Variants in CPA6 observed in about 807,000 individuals in gnomAD.
CPA6 encodes the protein carboxypeptidase B.
In CPA6, 58 loss-of-function variants were observed where a neutral mutation model predicts 63.3. The observed-to-expected ratio is 0.92, with a 90% CI of 0.74 to 1.14. The LOEUF (loss-of-function observed/expected upper bound fraction) is 1.14, where lower values mean the gene tolerates loss of function less well. CPA6 is among the 50% of genes most tolerant of loss of function. The probability of loss-of-function intolerance (pLI) is 0.00; values close to 1 mark genes in which losing one functional copy is unlikely to be tolerated. For missense variants in CPA6, 565 were observed against 526.6 expected (o/e 1.07, Z -0.71); for synonymous variants, 185 against 179.0 (o/e 1.03, Z -0.27).
At chr8:67,465,786 G>T (rs1810912164) in intron 8 of CPA6, among the ~76,000 whole-genome samples, 1 of 152,162 alleles carries the variant, frequency 6.6e-6, no homozygotes, top group African/African-American at 2.4e-5. Flanking sequence ...AACCAAACTT[G>T]CATCCCACGA....
intron 1 of CPA6, among the ~76,000 whole-genome samples, chr8:67,629,175 T>G (rs981961496): frequency 6.6e-6 from 1 of 151,682 alleles, no homozygotes. Flanking sequence ...AATTTCTAAA[T>G]AAAGACCCAT....
chr8:67,538,958 C>A (rs1375455804), intron 2 of CPA6, among the ~76,000 whole-genome samples: 4 of 152,014 alleles, frequency 2.6e-5, no homozygotes, highest in Non-Finnish European at 4.4e-5. Context: ...CACGCCCGGC[C>A]CAGTCTGTGT....
chr8:67,428,392 G>C (rs1170557068), intron 9 of CPA6, among the ~76,000 whole-genome samples: 1 of 152,036 alleles, frequency 6.6e-6, no homozygotes, highest in East Asian at 1.9e-4. Flanking sequence ...GCTCAGCAAG[G>C]TTAAATGGGT....
intron 8 of CPA6, among the ~76,000 whole-genome samples, chr8:67,451,330 G>T (rs1239748713): frequency 6.6e-6 from 1 of 152,186 alleles, no homozygotes; most frequent in Admixed American, 6.5e-5. Flanking sequence ...GATTCTCATA[G>T]GAGTGCGAAC....
At chr8:67,501,269 T>C (rs746723826) in intron 6 of CPA6, among the ~76,000 whole-genome samples, 2 of 152,206 alleles carry the variant, frequency 1.3e-5, no homozygotes, top group African/African-American at 2.4e-5. Flanking sequence ...ATGTAAGTCC[T>C]GTACATGTTT....
intron 1 of CPA6, among the ~76,000 whole-genome samples, chr8:67,723,982 G>C (rs1426353210): frequency 6.6e-6 from 1 of 151,984 alleles, no homozygotes; most frequent in South Asian, 2.1e-4. Flanking sequence ...ATGACAGATT[G>C]GTAAAGAAGC....
chr8:67,623,495 AAG>A (rs910593238), intron 2 of CPA6, among the ~76,000 whole-genome samples: 2 of 152,126 alleles, frequency 1.3e-5, no homozygotes, highest in African/African-American at 4.8e-5. Context: ...GTCTCAAAAA[AAG>A]AGATACTAGA....
Position 67,607,216 on chromosome 8 carries a change from CTT to C in CPA6, c.192+16958_192+16959del, listed in dbSNP as rs1814679012. Among the ~76,000 whole-genome samples, 4 of 105,590 alleles carry C rather than the reference CTT, an allele frequency of 3.8e-5. 1 individual carries two copies. In the South Asian group the frequency reaches 1.6e-3, roughly 41 times the overall value. The allele number at this position is 105,590 out of a possible 152,430, so 69.3% of individuals were successfully genotyped here. ...TCTTCTTCTTCTTCTTCTTCTTCTT[CTT>C]CTTCTTCTTCTTCTTCTTCTTCTTC... On this transcript the variant is annotated intron_variant, in intron 2 of 10. Coordinates refer to ENST00000297770, the MANE Select transcript of CPA6 (RefSeq NM_020361.5).
intron 6 of CPA6, among the ~76,000 whole-genome samples, chr8:67,496,566 A>AT (rs539068593): frequency 0.02 from 1,813 of 88,940 alleles, 24 homozygotes; most frequent in Non-Finnish European, 0.032. Context: ...TATTTATTTT[A>AT]TTTTTTTTTT....
At chr8:67,739,146 T>C (rs1817867671) in intron 1 of CPA6, among the ~76,000 whole-genome samples, 2 of 152,182 alleles carry the variant, frequency 1.3e-5, no homozygotes, top group Non-Finnish European at 2.9e-5. Flanking sequence ...CAATCCTCCT[T>C]CTACTAGCTC....
intron 2 of CPA6, among the ~76,000 whole-genome samples, chr8:67,597,445 C>T (rs111529056): frequency 0.096 from 14,574 of 152,206 alleles, 794 homozygotes; most frequent in Middle Eastern, 0.17. Context: ...CTGCCTGCCT[C>T]GGCCTCCTAA....
chr8:67,650,070 A>C (rs1815802229), intron 1 of CPA6, among the ~76,000 whole-genome samples: 1 of 152,122 alleles, frequency 6.6e-6, no homozygotes, highest in South Asian at 2.1e-4. Flanking sequence ...TTCCTGTATT[A>C]AATTTATATG....
Position 67,647,098 on chromosome 8 carries a change from G to A in CPA6, c.117-22847C>T, listed in dbSNP as rs536441941. Among the ~76,000 whole-genome samples, 4 of 152,254 alleles carry A rather than the reference G, an allele frequency of 2.6e-5. No homozygotes were observed. In the South Asian group the frequency reaches 6.2e-4, roughly 24 times the overall value. ...AATTGACACAGCCTAGGAGGAAAAT[G>A]GCTTATCTAAAGAAGTAAAAGAGAA... On this transcript the variant is annotated intron_variant, in intron 1 of 10. Coordinates refer to ENST00000297770, the MANE Select transcript of CPA6 (RefSeq NM_020361.5).
intron 1 of CPA6, among the ~76,000 whole-genome samples, chr8:67,684,046 T>C (rs1025636738): frequency 4.8e-5 from 7 of 145,604 alleles, no homozygotes; most frequent in East Asian, 2.0e-4. Flanking sequence ...TTATTTTATT[T>C]ATTTATTTAT....
chr8:67,638,363 A>G (rs1177250551), intron 1 of CPA6, among the ~76,000 whole-genome samples: 2 of 151,512 alleles, frequency 1.3e-5, no homozygotes, highest in Admixed American at 6.6e-5. Context: ...CTAGCCCTCC[A>G]GCAGGATTAG....
At chr8:67,702,040 C>T (rs1398158017) in intron 1 of CPA6, among the ~76,000 whole-genome samples, 2 of 152,040 alleles carry the variant, frequency 1.3e-5, no homozygotes, top group Admixed American at 1.3e-4. Flanking sequence ...AACTGCCTCT[C>T]TAAAAGAATA....
chr8:67,646,258 C>T (rs147235058), intron 1 of CPA6, among the ~76,000 whole-genome samples: 226 of 152,334 alleles, frequency 1.5e-3, no homozygotes, highest in South Asian at 3.3e-3. Flanking sequence ...GATTCCTCCC[C>T]TTTCTTTTAA....
chr8:67,484,912 C>T (rs1811445298), intron 6 of CPA6, 123 bp from the exon 7 acceptor site: 4 of 539,300 alleles, frequency 7.4e-6, no homozygotes, highest in Non-Finnish European at 1.3e-5. Flanking sequence ...CATAAACTAA[C>T]ATGAAGTTTA....
chr8:67,439,311 G>C (rs904870384), intron 8 of CPA6, among the ~76,000 whole-genome samples: 2 of 151,842 alleles, frequency 1.3e-5, no homozygotes, highest in African/African-American at 4.8e-5. Context: ...AAAGAGGCTG[G>C]GCATGGTGGC....
Sources: gnomAD v4.1 joint callset for allele counts (sites outside exome capture counted in the v4.1 genomes callset) on GRCh38, gnomAD v4.1.1 for gene constraint, MANE v1.5 for transcripts, NCBI Gene and HGNC (gene_info 2026-07-23, HGNC 2026-07-21) for gene names.